The following CSMD1 variants were observed in gnomAD, a reference collection of about 807,000 sequenced individuals.
The protein encoded by CSMD1 is CUB and Sushi multiple domains 1, also known as CUB and sushi domain-containing protein 1.
A neutral mutation model predicts 417.5 loss-of-function variants in CSMD1; 213 were observed. That is an observed-to-expected ratio of 0.51 (90% CI 0.46 to 0.57). CSMD1 has a LOEUF of 0.57. Among genes scored for constraint, CSMD1 ranks in the 20% least tolerant of loss-of-function variants. The pLI is 0.00. For synonymous variants in CSMD1, 2,862 were observed against 1,736.8 expected (o/e 1.65, Z -16.11); for missense variants, 6,923 against 4,529.7 (o/e 1.53, Z -15.17).
chr8:4,912,557 A>G (rs1355125940), intron 1 of CSMD1, among the ~76,000 whole-genome samples: 1 of 152,118 alleles, frequency 6.6e-6, no homozygotes, highest in African/African-American at 2.4e-5. Context: ...TAGTGACTTC[A>G]CTGGGGTAGT....
intron 1 of CSMD1, among the ~76,000 whole-genome samples, chr8:4,750,247 T>C (rs925699180): frequency 8.0e-5 from 12 of 150,088 alleles, no homozygotes; most frequent in Admixed American, 7.9e-4. Context: ...GACATTGTGA[T>C]CCGCCCGCCT....
At chr8:3,231,823 CTT>C (rs1798857535) in intron 26 of CSMD1, among the ~76,000 whole-genome samples, 1 of 152,154 alleles carries the variant, frequency 6.6e-6, no homozygotes, top group Non-Finnish European at 1.5e-5. Flanking sequence ...CTTAAGCACA[CTT>C]ATCATCAGCT....
At chr8:3,530,894 G>A (rs1396086195) in intron 10 of CSMD1, among the ~76,000 whole-genome samples, 1 of 148,956 alleles carries the variant, frequency 6.7e-6, no homozygotes, top group Non-Finnish European at 1.5e-5. Context: ...GTCTCATTCT[G>A]TCATCCAGAC....
intron 2 of CSMD1, among the ~76,000 whole-genome samples, chr8:4,489,860 G>T (rs1183378462): frequency 2.0e-5 from 3 of 152,122 alleles, no homozygotes; most frequent in Non-Finnish European, 4.4e-5. Context: ...TAAGCAGGGT[G>T]CCCAGCCATG....
chr8:4,469,229 G>C (rs547725465), intron 2 of CSMD1, among the ~76,000 whole-genome samples: 1 of 152,134 alleles, frequency 6.6e-6, no homozygotes, highest in South Asian at 2.1e-4. Flanking sequence ...CTAAGGAAAG[G>C]AAAGCTCATA....
At chr8:4,341,533 T>C (rs1401787308) in intron 3 of CSMD1, among the ~76,000 whole-genome samples, 1 of 152,094 alleles carries the variant, frequency 6.6e-6, no homozygotes, top group Non-Finnish European at 1.5e-5. Flanking sequence ...AGCAAACCCA[T>C]GGAAACATTA....
At chr8:4,255,188 T>C (rs772928569) in intron 3 of CSMD1, among the ~76,000 whole-genome samples, 2 of 152,218 alleles carry the variant, frequency 1.3e-5, no homozygotes, top group Non-Finnish European at 2.9e-5. Flanking sequence ...AAGAGCATGA[T>C]GGGTGCCAAC....
At chr8:4,566,391 T>C (rs140763447) in intron 2 of CSMD1, among the ~76,000 whole-genome samples, 539 of 151,926 alleles carry the variant, frequency 3.5e-3, no homozygotes, top group African/African-American at 0.012. Context: ...TGGTGGCTCA[T>C]GCCTGTAATC....
rs979198767 is a variant in CSMD1, at chr8:4,404,266, T to C, written c.415+15687A>G. 2.6e-5 allele frequency among the ~76,000 whole-genome samples: 4 copies of C among 152,156 alleles called. No individual in the cohort carries two copies. The East Asian group carries it at 5.8e-4, about 22-fold the overall frequency. ...CCTTGTGATAGGCTATATATTTATG[T>C]CATCTATCACCTTATGATATGCTGT... On this transcript the variant is annotated intron_variant, in intron 3 of 69. Coordinates refer to ENST00000635120, the MANE Select transcript of CSMD1 (RefSeq NM_033225.6).
intron 5 of CSMD1, among the ~76,000 whole-genome samples, chr8:3,771,642 A>T (rs1002784880): frequency 6.6e-6 from 1 of 152,138 alleles, no homozygotes; most frequent in African/African-American, 2.4e-5. Context: ...GCCAGTGCTG[A>T]ATCACCCCCA....
intron 10 of CSMD1, among the ~76,000 whole-genome samples, chr8:3,504,454 G>A (rs1389267862): frequency 6.6e-6 from 1 of 152,094 alleles, no homozygotes; most frequent in African/African-American, 2.4e-5. Flanking sequence ...CTTCTTCTTG[G>A]CATCCAGCAG....
chr8:3,366,945 C>T (rs967980158), intron 20 of CSMD1, 87 bp downstream of exon 20: 18 of 1,009,798 alleles, frequency 1.8e-5, no homozygotes, highest in Middle Eastern at 4.7e-4. Flanking sequence ...ACACATTACA[C>T]ACACACACAC....
At chr8:4,258,075 C>T (rs1206535311) in intron 3 of CSMD1, among the ~76,000 whole-genome samples, 1 of 151,784 alleles carries the variant, frequency 6.6e-6, no homozygotes, top group Non-Finnish European at 1.5e-5. Flanking sequence ...TCCCTAGTAA[C>T]TGGGACTACA....
intron 5 of CSMD1, among the ~76,000 whole-genome samples, chr8:3,918,755 T>G (rs1809010172): frequency 6.6e-6 from 1 of 152,130 alleles, no homozygotes; most frequent in Non-Finnish European, 1.5e-5. Flanking sequence ...AGACTATTCT[T>G]CTAAGTGAAG....
intron 1 of CSMD1, among the ~76,000 whole-genome samples, chr8:4,905,612 G>A (rs571043515): frequency 2.0e-5 from 3 of 151,728 alleles, no homozygotes; most frequent in African/African-American, 4.8e-5. Context: ...GAGGTCATGA[G>A]ATCGAGGCCA....
intron 5 of CSMD1, among the ~76,000 whole-genome samples, chr8:3,801,767 A>C (rs1488785272): frequency 1.3e-5 from 2 of 152,204 alleles, no homozygotes; most frequent in African/African-American, 4.8e-5. Flanking sequence ...TATAGCATAC[A>C]CATTCAGTAG....
chr8:4,980,461 G>T (rs1454203156), intron 1 of CSMD1, among the ~76,000 whole-genome samples: 1 of 152,212 alleles, frequency 6.6e-6, no homozygotes, highest in Admixed American at 6.5e-5. Context: ...GCTTTCAAGA[G>T]GCCTGTGGGC....
chr8:4,903,021 A>T (rs1238191638), intron 1 of CSMD1, among the ~76,000 whole-genome samples: 2 of 44,820 alleles, frequency 4.5e-5, no homozygotes, highest in Non-Finnish European at 1.5e-4. Context: ...ATAAATAAAT[A>T]AATAAATAAA....
Position 4,969,868 on chromosome 8 carries a change from G to C in CSMD1, c.85+24464C>G, listed in dbSNP as rs1261461011. ...TCTTTACTTAAACAAGTAGGATATA[G>C]TGTCACTACGAGTGTATCAAAATAA... is the stretch of plus-strand genomic sequence containing the variant. On this transcript the variant is annotated intron_variant, in intron 1 of 69. Transcript: ENST00000635120. Among the ~76,000 whole-genome samples, 7 of 151,454 alleles carry C rather than the reference G, an allele frequency of 4.6e-5. No individual in the cohort carries two copies. The East Asian group carries it at 1.4e-3, about 29-fold the overall frequency.
Sources: allele counts gnomAD v4.1 joint callset (sites outside exome capture counted in the v4.1 genomes callset), GRCh38; gene constraint gnomAD v4.1.1; transcripts MANE v1.5; gene names NCBI Gene and HGNC (gene_info 2026-07-23, HGNC 2026-07-21).